Variants in SP140 observed in about 807,000 individuals in gnomAD.
The protein encoded by SP140 is SP140 nuclear body protein, also known as nuclear body protein SP140.
A neutral mutation model predicts 125.0 loss-of-function variants in SP140; 81 were observed. The observed-to-expected ratio is 0.65, with a 90% CI of 0.54 to 0.78. SP140 has a LOEUF of 0.78. Ranked by LOEUF, SP140 falls within the 30% of genes least tolerant of loss-of-function variation. The pLI is 0.00. For synonymous variants in SP140, 312 were observed against 354.0 expected (o/e 0.88, Z 1.33); for missense variants, 858 against 1,037.0 (o/e 0.83, Z 2.37).
Position 230,264,874 on chromosome 2 carries a change from G to T in SP140, c.1241-4658G>T, listed in dbSNP as rs143394370. ...GATACCAGTGCCTGTTCTGCTGGAGGTGAAGGGGGTGCAATGGACTCCATG... is the reference window on the plus strand; with the variant it reads ...GATACCAGTGCCTGTTCTGCTGGAGTTGAAGGGGGTGCAATGGACTCCATG... On this transcript the variant is annotated intron_variant, in intron 12 of 26. Transcript: ENST00000392045. 6.6e-5 allele frequency among the ~76,000 whole-genome samples: 10 copies of T among 152,306 alleles called. No individual in the cohort carries two copies. The East Asian group carries it at 1.7e-3, about 26-fold the overall frequency.
intron 22 of SP140, among the ~76,000 whole-genome samples, chr2:230,298,808 A>G (rs574443840): frequency 1.3e-5 from 2 of 152,346 alleles, no homozygotes; most frequent in East Asian, 3.8e-4. Context: ...TGGACTATGT[A>G]TGACTGGAAC....
intron 12 of SP140, among the ~76,000 whole-genome samples, chr2:230,265,424 T>C (rs545523124): frequency 6.6e-6 from 1 of 152,052 alleles, no homozygotes; most frequent in East Asian, 1.9e-4. Context: ...ACCTGTGGAG[T>C]CTGCACACCG....
At chr2:230,247,005 G>A (rs959900380) in intron 7 of SP140, among the ~76,000 whole-genome samples, 2 of 152,100 alleles carry the variant, frequency 1.3e-5, no homozygotes, top group African/African-American at 4.8e-5. Context: ...ATAACTTCTG[G>A]CCCAAGAATG....
intron 1 of SP140, chr2:230,213,023 A>AC: frequency 2.5e-6 from 4 of 1,613,946 alleles, no homozygotes; most frequent in Non-Finnish European, 3.4e-6. Context: ...CATAGGAAGC[A>AC]CCAACTGGGA....
intron 3 of SP140, among the ~76,000 whole-genome samples, chr2:230,239,786 T>C (rs559820475): frequency 2.9e-4 from 44 of 152,210 alleles, no homozygotes; most frequent in Non-Finnish European, 5.9e-4. Flanking sequence ...GTTTTTAATC[T>C]GAGGGTGGGT....
At chr2:230,269,213 A>G (rs898374493) in intron 12 of SP140, among the ~76,000 whole-genome samples, 3 of 152,192 alleles carry the variant, frequency 2.0e-5, no homozygotes, top group South Asian at 2.1e-4. Flanking sequence ...TCAGTGGCCA[A>G]TTGGGATGAG....
chr2:230,267,740 G>A (rs2053345321), intron 12 of SP140, among the ~76,000 whole-genome samples: 1 of 152,206 alleles, frequency 6.6e-6, no homozygotes, highest in Admixed American at 6.5e-5. Flanking sequence ...TTCAGTATAA[G>A]TGTGAATGGT....
At chr2:230,251,547 T>C (rs772448674) in intron 10 of SP140, among the ~76,000 whole-genome samples, 1 of 152,224 alleles carries the variant, frequency 6.6e-6, no homozygotes, top group Non-Finnish European at 1.5e-5. Context: ...ATAGTATTAC[T>C]TGAATTTAAA....
rs1405241985 is a variant in SP140, at chr2:230,312,658, A to C, written c.2578A>C (p.Ile860Leu). Reference protein sequence around the residue: ...FEKNFKEVFAIQETNGNN With the variant: ...FEKNFKEVFALQETNGNN ...GAAGAATTTCAAGGAAGTGTTTGCT[A>C]TTCAGGAAACAAATGGGAACAATTG... Residue 860 changes from isoleucine (I) to leucine (L), a missense_variant, in exon 27 of 27, where the codon ATT (isoleucine) becomes CTT (leucine). Physicochemically the swap from Ile to Leu is conservative, Grantham distance 5. Around this residue, in one of 4 missense-constraint regions of SP140, gnomAD observed 43 missense variants for 35.1 expected, o/e 1.23. Transcript: ENST00000392045. 3.1e-6 allele frequency: 5 copies of C among 1,611,910 alleles called. No individual in the cohort carries two copies. The highest frequency in any genetic ancestry group is 2.7e-5 in the African/African-American group (2 of 74,878).
intron 7 of SP140, 64 bp downstream of exon 7, chr2:230,246,004 T>C: frequency 1.1e-6 from 1 of 929,702 alleles, no homozygotes; most frequent in Non-Finnish European, 1.8e-6. Context: ...TACTCTTTCA[T>C]CTCCCTTCCC....
chr2:230,242,756 A>G (rs1375696167), intron 4 of SP140, among the ~76,000 whole-genome samples: 4 of 152,122 alleles, frequency 2.6e-5, no homozygotes, highest in Non-Finnish European at 4.4e-5. Context: ...CCTCAAATAC[A>G]TGCCAGTTAT....
chr2:230,234,171 G>A (rs1165782578), intron 1 of SP140, among the ~76,000 whole-genome samples: 4 of 152,294 alleles, frequency 2.6e-5, no homozygotes, highest in African/African-American at 9.6e-5. Context: ...GTGATCTATA[G>A]GAACAAACAA....
chr2:230,232,281 C>T (rs2047371376), intron 1 of SP140, among the ~76,000 whole-genome samples: 1 of 152,212 alleles, frequency 6.6e-6, no homozygotes, highest in Non-Finnish European at 1.5e-5. Flanking sequence ...TGCTCCTCCA[C>T]ACTCAGCCTC....
chr2:230,274,201 T>C (rs1477647797), intron 15 of SP140, among the ~76,000 whole-genome samples: 1 of 151,866 alleles, frequency 6.6e-6, no homozygotes, highest in Non-Finnish European at 1.5e-5. Context: ...ATCCCCATGA[T>C]ATATGCAGGA....
At chr2:230,194,216 C>T in the SP140 span, among the ~76,000 whole-genome samples, 1 of 152,128 alleles carries the variant, frequency 6.6e-6, no homozygotes, top group Non-Finnish European at 1.5e-5. Flanking sequence ...GATCTCTTCC[C>T]AGGCTGGCTC....
Position 230,208,131 on chromosome 2 carries a change from C to A in SP140, c.-323+4852C>A, listed in dbSNP as rs1265008059. 1.0e-4 allele frequency: 96 copies of A among 922,776 alleles called. No homozygotes were observed. The Middle Eastern group carries it at 1.2e-3, about 11-fold the overall frequency. 57.2% of individuals were successfully genotyped at this position (922,776 alleles called of 1,614,324 possible). A position where few individuals can be genotyped will look rare whatever the true frequency, so the allele number is the denominator to read the frequency against. On this transcript the variant is annotated intron_variant, in intron 1 of 4. Transcript: ENST00000456542. ...AATCTTGTATGTCAATGATATTCAG[C>A]TTTTACTTTTGGTCTTCAAACCACA...
intron 10 of SP140, among the ~76,000 whole-genome samples, chr2:230,251,667 G>C (rs1198414650): frequency 6.6e-6 from 1 of 152,048 alleles, no homozygotes; most frequent in African/African-American, 2.4e-5. Context: ...TCAAAGAAAT[G>C]GTATCCTACC....
At chr2:230,306,165 C>G (rs1012274908) in intron 22 of SP140, among the ~76,000 whole-genome samples, 1 of 152,164 alleles carries the variant, frequency 6.6e-6, no homozygotes, top group Non-Finnish European at 1.5e-5. Flanking sequence ...AGGCAGGGAC[C>G]CTCACCCTCA....
At chr2:230,271,270 G>T (rs2149357551) in intron 15 of SP140, among the ~76,000 whole-genome samples, 1 of 152,312 alleles carries the variant, frequency 6.6e-6, no homozygotes, top group Middle Eastern at 3.4e-3. Flanking sequence ...TCCTGAAAGT[G>T]TTGGCATGCC....
Sources: gnomAD v4.1 joint callset for allele counts (sites outside exome capture counted in the v4.1 genomes callset) on GRCh38, gnomAD v4.1.1 for gene constraint, gnomAD v4.1.1 regional missense constraint, MANE v1.5 for transcripts, NCBI Gene and HGNC (gene_info 2026-07-23, HGNC 2026-07-21) for gene names.